The following MRPL48 variants were observed in gnomAD, a reference collection of about 807,000 sequenced individuals.
The protein encoded by MRPL48 is large ribosomal subunit protein mL48.
MRPL48 carries 16 observed loss-of-function variants against 32.9 expected under a neutral mutation model. That is an observed-to-expected ratio of 0.49 (90% CI 0.33 to 0.74). The LOEUF (loss-of-function observed/expected upper bound fraction) is 0.74. MRPL48 is among the 30% of genes least tolerant of loss of function. The probability of loss-of-function intolerance (pLI) is 0.02; values close to 1 mark genes in which losing one functional copy is unlikely to be tolerated. For synonymous variants in MRPL48, 94 were observed against 89.2 expected, an observed-to-expected ratio of 1.05 and a Z score of -0.31; for missense variants, 206 against 245.3, an observed-to-expected ratio of 0.84 and a Z score of 1.07.
At chr11:73,810,512 ACT>A (rs1455612850) in intron 3 of MRPL48, among the ~76,000 whole-genome samples, 1 of 151,784 alleles carries the variant, frequency 6.6e-6, no homozygotes, top group Non-Finnish European at 1.5e-5. Flanking sequence ...CAAGAGCGAA[ACT>A]CTGACTCAAA....
intron 6 of MRPL48, among the ~76,000 whole-genome samples, chr11:73,861,500 G>C (rs1283451639): frequency 2.6e-5 from 4 of 152,144 alleles, no homozygotes; most frequent in Non-Finnish European, 2.9e-5. Context: ...CTCCTGAGTA[G>C]CTGGGATTAC....
At chr11:73,813,671 A>G (rs947671965) in intron 3 of MRPL48, among the ~76,000 whole-genome samples, 4 of 152,060 alleles carry the variant, frequency 2.6e-5, no homozygotes, top group South Asian at 2.1e-4. Context: ...AGATTTTTAT[A>G]TAGTTATGTT....
At chr11:73,805,305 T>C (rs1471122425) in intron 2 of MRPL48, among the ~76,000 whole-genome samples, 4 of 151,594 alleles carry the variant, frequency 2.6e-5, no homozygotes, top group Non-Finnish European at 4.4e-5. Flanking sequence ...TTTTTTTTTT[T>C]TTTCTTTTTG....
In MRPL48 at chr11:73,788,001, G is replaced by C. The variant is rs750926571; in HGVS notation, c.21+9G>C. The C allele has an allele frequency of 2.5e-6, 4 of 1,569,288 alleles. No homozygotes were observed. The highest frequency in any genetic ancestry group is 2.6e-6 in the Non-Finnish European group (3 of 1,157,616). On this transcript the variant is annotated intron_variant, in intron 1 of 7. Transcript: ENST00000310614. ...GCGGAACCTTGGAAAAGGTAACGTA[G>C]ATTCCACGCACGCGGGGCGCGGGGA...
chr11:73,829,257 C>T (rs1947953024), intron 4 of MRPL48, among the ~76,000 whole-genome samples: 1 of 152,196 alleles, frequency 6.6e-6, no homozygotes, highest in South Asian at 2.1e-4. Flanking sequence ...CCTCTTCAAC[C>T]TTTAAATCTC....
chr11:73,823,025 AG>A (rs1335799771), intron 3 of MRPL48: 55 of 451,362 alleles, frequency 1.2e-4, no homozygotes, highest in Admixed American at 8.5e-4. Flanking sequence ...GGGACTGTCT[AG>A]TTGCAGGAAA....
At chr11:73,851,012 G>T (rs1192120932) in intron 5 of MRPL48, 4 of 453,394 alleles carry the variant, frequency 8.8e-6, no homozygotes, top group African/African-American at 4.1e-5. Flanking sequence ...GTTCCTACTG[G>T]CAAGAGCTGC....
chr11:73,837,374 A>G (rs1471919900), intron 4 of MRPL48, among the ~76,000 whole-genome samples: 2 of 151,040 alleles, frequency 1.3e-5, no homozygotes, highest in Non-Finnish European at 1.5e-5. Context: ...CTGGGTCTCA[A>G]CTTCCCCCTT....
chr11:73,802,211 T>G (rs1266356002), intron 1 of MRPL48: 1 of 152,198 alleles, frequency 6.6e-6, no homozygotes, highest in Non-Finnish European at 1.5e-5. Context: ...TATTTTGACT[T>G]CATACAATGC....
intron 2 of MRPL48, 96 bp from the exon 3 acceptor site, chr11:73,808,217 T>C (rs777483731): frequency 1.6e-5 from 19 of 1,201,006 alleles, no homozygotes; most frequent in Non-Finnish European, 2.1e-5. Context: ...GAAACAGCAT[T>C]GATGCATCTT....
intron 3 of MRPL48, among the ~76,000 whole-genome samples, chr11:73,813,667 T>G (rs1467641058): frequency 6.6e-6 from 1 of 152,186 alleles, no homozygotes; most frequent in African/African-American, 2.4e-5. Flanking sequence ...CTTTAGATTT[T>G]TATATAGTTA....
chr11:73,800,999 C>G, intron 1 of MRPL48, among the ~76,000 whole-genome samples: 1 of 151,708 alleles, frequency 6.6e-6, no homozygotes, highest in Non-Finnish European at 1.5e-5. Flanking sequence ...TTAGTAGAGA[C>G]GAGGTTTCTC....
chr11:73,833,831 C>T (rs529615257), intron 4 of MRPL48, among the ~76,000 whole-genome samples: 14 of 152,140 alleles, frequency 9.2e-5, no homozygotes, highest in Non-Finnish European at 1.3e-4. Flanking sequence ...TGTACGACTA[C>T]GCCTTGCTAA....
intron 1 of MRPL48, among the ~76,000 whole-genome samples, chr11:73,793,249 G>T (rs1237984912): frequency 6.6e-6 from 1 of 152,166 alleles, no homozygotes; most frequent in African/African-American, 2.4e-5. Context: ...ATTTTTAGTA[G>T]AGATGGGGTT....
rs1395304170 is a variant in MRPL48 at position 73,790,820 on chromosome 11, C to G, written c.21+2828C>G. Among the ~76,000 whole-genome samples, 3 of 151,914 alleles carry G rather than the reference C, an allele frequency of 2.0e-5. No individual in the cohort carries two copies. In the East Asian group the frequency reaches 5.8e-4, roughly 29 times the overall value. ...GGGATTGCAGATATGAGCCACCACTCCTGGATGAAACCTAGATTATTAGTT... is the reference window on the plus strand; with the variant it reads ...GGGATTGCAGATATGAGCCACCACTGCTGGATGAAACCTAGATTATTAGTT... On this transcript the variant is annotated intron_variant, in intron 1 of 7. Coordinates refer to ENST00000310614, the MANE Select transcript of MRPL48 (RefSeq NM_016055.6).
chr11:73,822,045 AT>A, intron 3 of MRPL48, among the ~76,000 whole-genome samples: 1 of 152,238 alleles, frequency 6.6e-6, no homozygotes, highest in East Asian at 1.9e-4. Flanking sequence ...AGAGATTTGG[AT>A]ATCAGCTCCA....
At chr11:73,792,492 A>G (rs1043591841) in intron 1 of MRPL48, among the ~76,000 whole-genome samples, 3 of 152,218 alleles carry the variant, frequency 2.0e-5, no homozygotes, top group African/African-American at 7.2e-5. Context: ...CAGAGATAAG[A>G]TGTTTTCACA....
intron 1 of MRPL48, among the ~76,000 whole-genome samples, chr11:73,793,829 C>T (rs1947195213): frequency 6.7e-6 from 1 of 150,230 alleles, no homozygotes; most frequent in Non-Finnish European, 1.5e-5. Flanking sequence ...TGAGACCAGC[C>T]TGGGCAACAT....
intron 4 of MRPL48, among the ~76,000 whole-genome samples, chr11:73,831,940 CAAAAAAAAAA>C (rs4019304): frequency 4.5e-5 from 3 of 67,110 alleles, no homozygotes; most frequent in Admixed American, 2.2e-4. Context: ...AACTCTGTCT[CAAAAAAAAAA>C]AAAAAAAAAA....
Sources: allele counts gnomAD v4.1 joint callset (sites outside exome capture counted in the v4.1 genomes callset), GRCh38; gene constraint gnomAD v4.1.1; transcripts MANE v1.5; gene names NCBI Gene and HGNC (gene_info 2026-07-23, HGNC 2026-07-21).